PGM3: variants seen among roughly 807,000 people sequenced by gnomAD.
PGM3 encodes phosphoglucomutase 3.
PGM3 carries 40 observed loss-of-function variants against 66.2 expected under a neutral mutation model. The observed-to-expected ratio is 0.60, with a 90% CI of 0.47 to 0.79. The LOEUF is 0.79. Ranked by LOEUF, PGM3 falls within the 30% of genes least tolerant of loss-of-function variation. The probability of loss-of-function intolerance (pLI) is 0.00; values close to 1 mark genes in which losing one functional copy is unlikely to be tolerated. For missense variants in PGM3, 537 were observed against 643.4 expected (o/e 0.83, Z 1.79); for synonymous variants, 191 against 224.2 (o/e 0.85, Z 1.32).
chr6:83,168,246 T>C lies in PGM3; in HGVS notation c.*988A>G, dbSNP rs1786335406. On this transcript the variant is annotated 3_prime_UTR_variant, in exon 13 of 13. Coordinates refer to ENST00000513973, the MANE Select transcript of PGM3 (RefSeq NM_015599.3). ...ACACACTGCTCTGCGTTGTATAGTT[T>C]TTCCTTTTTTGTATGTAACAGAACA... The C allele has an allele frequency of 1.3e-6, 2 of 1,481,990 alleles. No individual in the cohort carries two copies. Among genetic ancestry groups the C allele is most frequent in the Non-Finnish European group, 1.8e-6 (2 of 1,124,056 alleles). 91.8% of individuals were successfully genotyped at this position (1,481,990 alleles called of 1,614,324 possible).
the PGM3 span, among the ~76,000 whole-genome samples, chr6:83,153,047 T>C: frequency 6.6e-6 from 1 of 152,208 alleles, no homozygotes; most frequent in African/African-American, 2.4e-5. Context: ...TTGTTTCCTC[T>C]TTGCAGATGT....
chr6:83,171,585 G>GGTTCAA (rs1787156107), intron 11 of PGM3, among the ~76,000 whole-genome samples: 2 of 152,144 alleles, frequency 1.3e-5, no homozygotes, highest in African/African-American at 4.8e-5. Context: ...CTGCCTCCCA[G>GGTTCAA]GTTCAAGTGA....
downstream of PGM3, chr6:83,164,612 AC>A (rs1785003670): frequency 1.3e-6 from 2 of 1,528,148 alleles, no homozygotes; most frequent in East Asian, 4.8e-5. Context: ...GGCCAAGCAT[AC>A]TTTTCACTGG....
At chr6:83,191,414 T>C (rs1478456610) in intron 1 of PGM3, 2 of 614,314 alleles carry the variant, frequency 3.3e-6, no homozygotes, top group East Asian at 2.8e-5. Flanking sequence ...TAAATTAACA[T>C]AGATAGCTGG....
chr6:83,158,615 A>G (rs1783403844), downstream of PGM3: 32 of 1,603,378 alleles, frequency 2.0e-5, no homozygotes, highest in Non-Finnish European at 2.6e-5. Context: ...TGATGAAGAT[A>G]TTTCACGGTA....
chr6:83,152,070 A>G, the PGM3 span: 1 of 1,606,054 alleles, frequency 6.2e-7, no homozygotes, highest in Non-Finnish European at 8.5e-7. Flanking sequence ...GTAAGCAGGC[A>G]TATATTTACT....
chr6:83,172,065 A>C lies in PGM3; in HGVS notation c.1243-6T>G. The C allele has an allele frequency of 6.2e-7, 1 of 1,612,360 alleles. No individual in the cohort carries two copies. The highest frequency in any genetic ancestry group is 8.5e-7 in the Non-Finnish European group (1 of 1,179,598). ...GAAATAGCATCACCAGCTGCCTGCA[A>C]ATGGGGAAACAAATGGAAGAAACCA... On this transcript the variant is annotated splice_region_variant and splice_polypyrimidine_tract_variant and intron_variant, in intron 10 of 12. Transcript: ENST00000513973.
At position 83,167,539 on chromosome 6, in the gene PGM3, A is replaced by G. The variant is rs563440565; in HGVS notation, c.*1695T>C. On this transcript the variant is annotated 3_prime_UTR_variant, in exon 13 of 13. Coordinates refer to ENST00000513973, the MANE Select transcript of PGM3 (RefSeq NM_015599.3). The stretch of plus-strand genomic sequence containing the variant: ...AGTAGTGAGGGTTCAGAAACCTGGG[A>G]GCTTTTTGAGTAAATACAAAGCACA... 3 of 1,032,550 alleles carry G rather than the reference A, an allele frequency of 2.9e-6. No homozygotes were observed. The African/African-American group carries it at 5.1e-5, about 17-fold the overall frequency. 64.0% of individuals were successfully genotyped at this position (1,032,550 alleles called of 1,614,324 possible). A position where few individuals can be genotyped will look rare whatever the true frequency, so the allele number is the denominator to read the frequency against.
chr6:83,163,579 TTC>T (rs1441282850), downstream of PGM3, among the ~76,000 whole-genome samples: 2 of 152,204 alleles, frequency 1.3e-5, no homozygotes, highest in Non-Finnish European at 2.9e-5. Context: ...ATTTTTCACT[TTC>T]TGATTATAAC....
Position 83,172,089 on chromosome 6 carries a change from C to G in PGM3, c.1243-30G>C, listed in dbSNP as rs761613893. The G allele has an allele frequency of 5.0e-6, 8 of 1,610,972 alleles. No homozygotes were observed. In the Admixed American group the frequency reaches 1.3e-4, roughly 27 times the overall value. On this transcript the variant is annotated intron_variant, in intron 10 of 12. Transcript: ENST00000513973. The stretch of plus-strand genomic sequence containing the variant: ...AAATGGGGAAACAAATGGAAGAAAC[C>G]ACTTAACACAAGCAAATCTTGGAAA...
downstream of PGM3, among the ~76,000 whole-genome samples, chr6:83,159,449 T>A (rs1783690040): frequency 6.6e-6 from 1 of 151,796 alleles, no homozygotes; most frequent in Non-Finnish European, 1.5e-5. Context: ...AGTGTTTTTT[T>A]TTTTTGTCTG....
At chr6:83,151,692 T>C in the PGM3 span, 9 of 1,567,570 alleles carry the variant, frequency 5.7e-6, no homozygotes, top group Middle Eastern at 5.1e-4. Context: ...GCCAAAACTG[T>C]TTCTCAGTGC....
At chr6:83,152,447 A>G in the PGM3 span, 6 of 568,362 alleles carry the variant, frequency 1.1e-5, no homozygotes, top group Non-Finnish European at 1.1e-5. Context: ...TTTATAGAGG[A>G]ATTTCTAATT....
the PGM3 span, among the ~76,000 whole-genome samples, chr6:83,151,063 G>A: frequency 2.0e-5 from 3 of 152,058 alleles, no homozygotes; most frequent in Non-Finnish European, 2.9e-5. Flanking sequence ...TTTTGTGTCG[G>A]CTTCTTTTGT....
chr6:83,167,281 T>C lies in PGM3; in HGVS notation c.*1953A>G. The C allele has an allele frequency of 1.0e-6, 1 of 985,204 alleles. No individual in the cohort carries two copies. Among genetic ancestry groups the C allele is most frequent in the Non-Finnish European group, 1.2e-6 (1 of 829,722 alleles). The allele number at this position is 985,204 out of a possible 1,614,324, so 61.0% of individuals were successfully genotyped here. A position where few individuals can be genotyped will look rare whatever the true frequency, so the allele number is the denominator to read the frequency against. ...AGGTCCAGCTTTCCTCCCTATGTTG[T>C]TTAGCACAACCCAGAAGGAGACAGC... On this transcript the variant is annotated 3_prime_UTR_variant, in exon 13 of 13. Coordinates refer to ENST00000513973, the MANE Select transcript of PGM3 (RefSeq NM_015599.3).
downstream of PGM3, chr6:83,164,537 A>G: frequency 1.1e-6 from 1 of 946,522 alleles, no homozygotes; most frequent in South Asian, 1.4e-5. Flanking sequence ...TGTCCCACAG[A>G]ATAAGAAAAC....
At chr6:83,191,628 A>C (rs749795651) in intron 1 of PGM3, among the ~76,000 whole-genome samples, 2 of 152,226 alleles carry the variant, frequency 1.3e-5, no homozygotes, top group Non-Finnish European at 2.9e-5. Flanking sequence ...ACACCCTTCT[A>C]AGATGTTGCT....
chr6:83,185,200 A>G (rs1788481827), intron 4 of PGM3, among the ~76,000 whole-genome samples: 1 of 152,218 alleles, frequency 6.6e-6, no homozygotes, highest in Non-Finnish European at 1.5e-5. Flanking sequence ...AATGCTTTAC[A>G]AACTGCAGGC....
Position 83,178,722 on chromosome 6 carries a change from GT to G in PGM3, c.979del (p.Thr327LeufsTer16), listed in dbSNP as rs1787956650. ...GESLNIGVVQTAYANGSSTRY... is the reference protein window; with the variant it reads ...GESLNIGVVQXAYANGSSTRY... ...TGTTGAACTTCCATTTGCATATGCAGTTTGTACAACACCAATATTCAAACTT... is the reference window on the plus strand; with the variant it reads ...TGTTGAACTTCCATTTGCATATGCAGTTGTACAACACCAATATTCAAACTT... On this transcript the variant is annotated frameshift_variant, in exon 8 of 13. Coordinates refer to ENST00000513973, the MANE Select transcript of PGM3 (RefSeq NM_015599.3). LOFTEE classifies it high-confidence loss of function. 6.2e-7 allele frequency: 1 copy of G among 1,601,332 alleles called. No individual in the cohort carries two copies. Among genetic ancestry groups the G allele is most frequent in the African/African-American group, 1.3e-5 (1 of 74,762 alleles).
Sources: allele counts gnomAD v4.1 joint callset (sites outside exome capture counted in the v4.1 genomes callset), GRCh38; gene constraint gnomAD v4.1.1; transcripts MANE v1.5; gene names NCBI Gene and HGNC (gene_info 2026-07-23, HGNC 2026-07-21).